LY6G6D: variants seen among roughly 807,000 people sequenced by gnomAD.
The protein encoded by LY6G6D is lymphocyte antigen 6 complex locus protein G6d.
A neutral mutation model predicts 8.5 loss-of-function variants in LY6G6D; 5 were observed. The observed-to-expected ratio is 0.59, with a 90% CI of 0.31 to 1.24. The LOEUF (loss-of-function observed/expected upper bound fraction) is 1.24. LY6G6D is among the 50% of genes most tolerant of loss of function. LY6G6D has a pLI of 0.07. For missense variants in LY6G6D, 154 were observed against 170.4 expected, an observed-to-expected ratio of 0.90 and a Z score of 0.53; for synonymous variants, 65 against 69.6, an observed-to-expected ratio of 0.93 and a Z score of 0.33.
rs1367635009 is a variant in LY6G6D at position 31,715,640 on chromosome 6, C to T, written c.178+16C>T. The T allele has an allele frequency of 6.2e-7, 1 of 1,608,822 alleles. No homozygotes were observed. The highest frequency in any genetic ancestry group is 2.2e-5 in the East Asian group (1 of 44,756). Reference sequence around the variant, plus strand: ...CCTGGAAACCGTGAGTCCTCAGTTTCTCCCTCTTCCAGCAGCCTTTCCCTG... The same window carrying T: ...CCTGGAAACCGTGAGTCCTCAGTTTTTCCCTCTTCCAGCAGCCTTTCCCTG... On this transcript the variant is annotated intron_variant, in intron 2 of 2. Transcript: ENST00000375825.
In LY6G6D at chr6:31,716,924, C is replaced by T. The variant is rs1806473646; in HGVS notation, c.179-657C>T. Among the ~76,000 whole-genome samples the T allele has an allele frequency of 6.6e-6, 1 of 151,994 alleles. No homozygotes were observed. The highest frequency in any genetic ancestry group is 6.6e-5 in the Admixed American group (1 of 15,250). On this transcript the variant is annotated intron_variant, in intron 2 of 2. Transcript: ENST00000375825. The surrounding 1 kb of genome is among the most constrained non-coding windows in gnomAD (Gnocchi z 5.1). ...CCTGAGTGAGAGAGCAAGATCTTTT[C>T]TCTAAAATTAAATAAAATCATTTTT...
At position 31,717,436 on chromosome 6, in the gene LY6G6D, T is replaced by C; in HGVS notation, c.179-145T>C. On this transcript the variant is annotated intron_variant, in intron 2 of 2. Transcript: ENST00000375825. This position sits in a 1 kb window ranked among gnomAD's most constrained non-coding sequence, Gnocchi z 5.0. ...ATCAGGAGTTTACAAGGTCAATGCATTAACTTTGATCACTTGGTTTCAGGG... is the reference window on the plus strand; with the variant it reads ...ATCAGGAGTTTACAAGGTCAATGCACTAACTTTGATCACTTGGTTTCAGGG... 6.3e-7 allele frequency: 1 copy of C among 1,595,194 alleles called. No individual in the cohort carries two copies. The highest frequency in any genetic ancestry group is 8.5e-7 in the Non-Finnish European group (1 of 1,170,104).
In LY6G6D at chr6:31,716,113, A is replaced by T. The variant is rs1242429187; in HGVS notation, c.178+489A>T. Reference sequence around the variant, plus strand: ...AGCACAATTATCAAAATCACAAAATAACTGATACAATACTACTAACTAATC... The same window carrying T: ...AGCACAATTATCAAAATCACAAAATTACTGATACAATACTACTAACTAATC... On this transcript the variant is annotated intron_variant, in intron 2 of 2. Coordinates refer to ENST00000375825, the MANE Select transcript of LY6G6D (RefSeq NM_021246.4). The surrounding 1 kb of genome is among the most constrained non-coding windows in gnomAD (Gnocchi z 5.1). 6.6e-6 allele frequency among the ~76,000 whole-genome samples: 1 copy of T among 152,184 alleles called. No homozygotes were observed. Among genetic ancestry groups the T allele is most frequent in the Non-Finnish European group, 1.5e-5 (1 of 68,032 alleles).
Position 31,717,749 on chromosome 6 carries a change from T to C in LY6G6D, c.347T>C (p.Leu116Ser). 3 of 1,614,132 alleles carry C rather than the reference T, an allele frequency of 1.9e-6. No homozygotes were observed. The highest frequency in any genetic ancestry group is 2.5e-6 in the Non-Finnish European group (3 of 1,180,030). ...VASHVAPAGI[L>S]AAAATALTCL... The stretch of plus-strand genomic sequence containing the variant: ...AGCCATGTGGCCCCTGCAGGCATTT[T>C]GGCTGCAGCAGCTACCGCCCTGACC... The change falls in exon 3 of 3, where the codon TTG (leucine) becomes TCG (serine). Residue 116 changes from leucine (L) to serine (S), a missense_variant. Leu to Ser is a moderately radical substitution (Grantham distance 145). Transcript: ENST00000375825. This position sits in a 1 kb window ranked among gnomAD's most constrained non-coding sequence, Gnocchi z 5.0.
Position 31,717,021 on chromosome 6 carries a change from C to T in LY6G6D, c.179-560C>T, listed in dbSNP as rs1387234543. The stretch of plus-strand genomic sequence containing the variant: ...ATCCCAGCACTTTGGGAGGCCAAGG[C>T]GGGTGGATAACCTGAGGTCGGGAGT... On this transcript the variant is annotated intron_variant, in intron 2 of 2. Transcript: ENST00000375825. This position sits in a 1 kb window ranked among gnomAD's most constrained non-coding sequence, Gnocchi z 5.0. Among the ~76,000 whole-genome samples, 2 of 152,122 alleles carry T rather than the reference C, an allele frequency of 1.3e-5. No individual in the cohort carries two copies. The highest frequency in any genetic ancestry group is 2.9e-5 in the Non-Finnish European group (2 of 68,026).
At chr6:31,715,443 G>A (rs1261374670) in intron 1 of LY6G6D, 33 bp downstream of exon 1, 1 of 1,605,692 alleles carries the variant, frequency 6.2e-7, no homozygotes, top group South Asian at 1.1e-5. Flanking sequence ...TCTCACACAG[G>A]CCTTCTGCCA....
rs763673528 is a variant in LY6G6D, at chr6:31,715,657, C to T, written c.178+33C>T. On this transcript the variant is annotated intron_variant, in intron 2 of 2. Transcript: ENST00000375825. Reference sequence around the variant, plus strand: ...CTCAGTTTCTCCCTCTTCCAGCAGCCTTTCCCTGCCTCCAGCCCCATGTCA... The same window carrying T: ...CTCAGTTTCTCCCTCTTCCAGCAGCTTTTCCCTGCCTCCAGCCCCATGTCA... 9 of 1,606,140 alleles carry T rather than the reference C, an allele frequency of 5.6e-6. No homozygotes were observed. The South Asian group carries it at 9.9e-5, about 18-fold the overall frequency.
rs1052143072 is a variant in LY6G6D at position 31,717,116 on chromosome 6, G to T, written c.179-465G>T. On this transcript the variant is annotated intron_variant, in intron 2 of 2. Transcript: ENST00000375825. The surrounding 1 kb of genome is among the most constrained non-coding windows in gnomAD (Gnocchi z 5.0). Reference sequence around the variant, plus strand: ...AAATACAAAATTAGCCGGGTGTAGTGGTGCCCGCCTGTAATACCAGCTACT... The same window carrying T: ...AAATACAAAATTAGCCGGGTGTAGTTGTGCCCGCCTGTAATACCAGCTACT... 6.6e-6 allele frequency among the ~76,000 whole-genome samples: 1 copy of T among 152,008 alleles called. No individual in the cohort carries two copies. Among genetic ancestry groups the T allele is most frequent in the Non-Finnish European group, 1.5e-5 (1 of 68,002 alleles).
rs1338360272 is a variant in LY6G6D, at chr6:31,717,256, A to C, written c.179-325A>C. On this transcript the variant is annotated intron_variant, in intron 2 of 2. Transcript: ENST00000375825. This position sits in a 1 kb window ranked among gnomAD's most constrained non-coding sequence, Gnocchi z 5.0. ...AAGAGTGAAACTCCGTCTCAAAAAA[A>C]AAAAAAAAATTACAGATACTTGAAA... 6.6e-6 allele frequency among the ~76,000 whole-genome samples: 1 copy of C among 152,206 alleles called. No individual in the cohort carries two copies. The highest frequency in any genetic ancestry group is 2.4e-5 in the African/African-American group (1 of 41,460).
chr6:31,717,878 A>G lies in LY6G6D; in HGVS notation c.*74A>G. ...ATCTGAACATCTAATGTGAGAAGAG[A>G]AACATCCTTCTGTGAGTCATTAAAA... On this transcript the variant is annotated 3_prime_UTR_variant, in exon 3 of 3. Coordinates refer to ENST00000375825, the MANE Select transcript of LY6G6D (RefSeq NM_021246.4). This position sits in a 1 kb window ranked among gnomAD's most constrained non-coding sequence, Gnocchi z 5.0. 1 of 1,516,292 alleles carries G rather than the reference A, an allele frequency of 6.6e-7. No individual in the cohort carries two copies. The highest frequency in any genetic ancestry group is 8.8e-7 in the Non-Finnish European group (1 of 1,138,750). 93.9% of individuals were successfully genotyped at this position (1,516,292 alleles called of 1,614,324 possible).
Position 31,717,582 on chromosome 6 carries a change from C to T in LY6G6D, c.180C>T (p.Pro60=), listed in dbSNP as rs765488159. 6.2e-7 allele frequency: 1 copy of T among 1,614,224 alleles called. No individual in the cohort carries two copies. Among genetic ancestry groups the T allele is most frequent in the African/African-American group, 1.3e-5 (1 of 75,044 alleles). Residue 60 remains proline, a splice_region_variant and synonymous_variant, in exon 3 of 3, where the codon CCC becomes CCT. Transcript: ENST00000375825. This position sits in a 1 kb window ranked among gnomAD's most constrained non-coding sequence, Gnocchi z 5.0. ...CCCCAGTTTCATTCTCTCTCTCAGC[C>T]CCAGTGACCTTGATTCACCAACATC... is the stretch of plus-strand genomic sequence containing the variant. ...GLEQIKLPGN[P]PVTLIHQHPA... is the part of the protein sequence containing the mutation.
At chr6:31,715,467 A>C in intron 1 of LY6G6D, 35 bp from the exon 2 acceptor site, 1 of 1,607,510 alleles carries the variant, frequency 6.2e-7, no homozygotes, top group Non-Finnish European at 8.5e-7. Context: ...GGCTCCACCG[A>C]GGGCCCAGGT....
Position 31,715,581 on chromosome 6 carries a change from C to T in LY6G6D, c.135C>T (p.Gly45=), listed in dbSNP as rs748207927. ...CKEAVTTCGE[G]RPQPGLEQIK... is the part of the protein sequence containing the mutation. ...AGGCCGTGACCACCTGTGGCGAGGGCAGACCCCAGCCAGGCCTGGAACAGA... is the reference window on the plus strand; with the variant it reads ...AGGCCGTGACCACCTGTGGCGAGGGTAGACCCCAGCCAGGCCTGGAACAGA... The change falls in exon 2 of 3, where the codon GGC becomes GGT. Residue 45 remains glycine, a synonymous_variant. Coordinates refer to ENST00000375825, the MANE Select transcript of LY6G6D (RefSeq NM_021246.4). 1.2e-6 allele frequency: 2 copies of T among 1,613,064 alleles called. No individual in the cohort carries two copies. Among genetic ancestry groups the T allele is most frequent in the Non-Finnish European group, 1.7e-6 (2 of 1,180,030 alleles).
At position 31,716,793 on chromosome 6, in the gene LY6G6D, G is replaced by C. The variant is rs1052092841; in HGVS notation, c.179-788G>C. 6.6e-6 allele frequency among the ~76,000 whole-genome samples: 1 copy of C among 151,982 alleles called. No individual in the cohort carries two copies. Among genetic ancestry groups the C allele is most frequent in the South Asian group, 2.1e-4 (1 of 4,816 alleles). ...TTTTAAAAAATTAGCCAGGCATAGTGGCACACACCTGTAATCTCAGTTTCC... is the reference window on the plus strand; with the variant it reads ...TTTTAAAAAATTAGCCAGGCATAGTCGCACACACCTGTAATCTCAGTTTCC... On this transcript the variant is annotated intron_variant, in intron 2 of 2. Transcript: ENST00000375825. This position sits in a 1 kb window ranked among gnomAD's most constrained non-coding sequence, Gnocchi z 5.1.
At position 31,717,689 on chromosome 6, in the gene LY6G6D, G is replaced by A. The variant is rs753115527; in HGVS notation, c.287G>A (p.Cys96Tyr). 17 of 1,614,110 alleles carry A rather than the reference G, an allele frequency of 1.1e-5. No individual in the cohort carries two copies. The highest frequency in any genetic ancestry group is 1.4e-5 in the Non-Finnish European group (17 of 1,180,044). ...GTGACTTATCCAGCCCACAGGGACT[G>A]CTACCTGGGAGACCTGTGCAACAGC... The part of the protein sequence containing the change: ...GDVTYPAHRD[C>Y]YLGDLCNSAV... Residue 96 changes from cysteine (C) to tyrosine (Y), a missense_variant, in exon 3 of 3, where the codon TGC (cysteine) becomes TAC (tyrosine). Physicochemically the swap from Cys to Tyr is radical, Grantham distance 194. Coordinates refer to ENST00000375825, the MANE Select transcript of LY6G6D (RefSeq NM_021246.4). The surrounding 1 kb of genome is among the most constrained non-coding windows in gnomAD (Gnocchi z 5.0).
In LY6G6D at chr6:31,717,665, T is replaced by A; in HGVS notation, c.263T>A (p.Val88Glu). Residue 88 changes from valine to glutamate, a missense_variant, in exon 3 of 3, where the codon GTG becomes GAG. Coordinates refer to ENST00000375825, the MANE Select transcript of LY6G6D (RefSeq NM_021246.4). The surrounding 1 kb of genome is among the most constrained non-coding windows in gnomAD (Gnocchi z 5.0). Reference protein sequence around the residue: ...NQVETESVGDVTYPAHRDCYL... With the variant: ...NQVETESVGDETYPAHRDCYL... ...GTGGAGACAGAGTCGGTGGGAGACG[T>A]GACTTATCCAGCCCACAGGGACTGC... The A allele has an allele frequency of 6.2e-7, 1 of 1,614,154 alleles. No individual in the cohort carries two copies. Among genetic ancestry groups the A allele is most frequent in the Non-Finnish European group, 8.5e-7 (1 of 1,180,022 alleles).
In LY6G6D at chr6:31,715,605, G is replaced by A. The variant is rs1806370116; in HGVS notation, c.159G>A (p.Gln53=). The A allele has an allele frequency of 6.2e-7, 1 of 1,612,982 alleles. No homozygotes were observed. Among genetic ancestry groups the A allele is most frequent in the Non-Finnish European group, 8.5e-7 (1 of 1,179,922 alleles). The change falls in exon 2 of 3, where the codon CAG becomes CAA. Residue 53 remains glutamine (Q), a synonymous_variant. Transcript: ENST00000375825. ...GCAGACCCCAGCCAGGCCTGGAACA[G>A]ATCAAGCTACCTGGAAACCGTGAGT... is the stretch of plus-strand genomic sequence containing the variant. ...GEGRPQPGLE[Q]IKLPGNPPVT... is the part of the protein sequence containing the mutation.
At position 31,715,558 on chromosome 6, in the gene LY6G6D, GC is replaced by G. The variant is rs1806364149; in HGVS notation, c.114del (p.Val39Ter). ...AAGCCCCAGCAGTTCTTGCAAAGAG[GC>G]CGTGACCACCTGTGGCGAGGGCAGA... Reference protein sequence around the residue: ...GGSPSSSCKEAVTTCGEGRPQ... With the variant: ...GGSPSSSCKEXVTTCGEGRPQ... On this transcript the variant is annotated frameshift_variant, in exon 2 of 3. Transcript: ENST00000375825. LOFTEE classifies it high-confidence loss of function. The G allele has an allele frequency of 6.2e-7, 1 of 1,613,026 alleles. No homozygotes were observed. The highest frequency in any genetic ancestry group is 8.5e-7 in the Non-Finnish European group (1 of 1,180,016).
rs1806367639 is a variant in LY6G6D at position 31,715,584 on chromosome 6, AC to A, written c.142del (p.Gln48SerfsTer15). ...CCGTGACCACCTGTGGCGAGGGCAG[AC>A]CCCAGCCAGGCCTGGAACAGATCAA... ...EAVTTCGEGR[P>X]QPGLEQIKLP... On this transcript the variant is annotated frameshift_variant, in exon 2 of 3. Transcript: ENST00000375825. LOFTEE classifies it low-confidence loss of function (END_TRUNC). The A allele has an allele frequency of 6.2e-7, 1 of 1,612,856 alleles. No individual in the cohort carries two copies. The highest frequency in any genetic ancestry group is 8.5e-7 in the Non-Finnish European group (1 of 1,179,994).
Sources: allele counts gnomAD v4.1 joint callset (sites outside exome capture counted in the v4.1 genomes callset), GRCh38; gene constraint gnomAD v4.1.1; non-coding constraint Gnocchi (gnomAD v3.1); transcripts MANE v1.5; gene names NCBI Gene and HGNC (gene_info 2026-07-23, HGNC 2026-07-21).